CNTN5: variants seen among roughly 807,000 people sequenced by gnomAD.
The protein encoded by CNTN5 is contactin 5, also known as contactin-5.
Under a neutral mutation model 129.1 loss-of-function variants are expected in CNTN5, and 77 were observed. That is an observed-to-expected ratio of 0.60 (90% CI 0.50 to 0.72). The LOEUF is 0.72. CNTN5 is among the 30% of genes least tolerant of loss of function. The probability of loss-of-function intolerance (pLI) is 0.00; values close to 1 mark genes in which losing one functional copy is unlikely to be tolerated. For missense variants in CNTN5, 1,478 were observed against 1,328.8 expected (o/e 1.11, Z -1.75); for synonymous variants, 509 against 465.6 (o/e 1.09, Z -1.20).
chr11:99,190,380 A>G (rs1294507470), intron 1 of CNTN5, among the ~76,000 whole-genome samples: 1 of 151,544 alleles, frequency 6.6e-6, no homozygotes, highest in Non-Finnish European at 1.5e-5. Context: ...TTGTCTATTT[A>G]GGGTCTTTTG....
intron 3 of CNTN5, among the ~76,000 whole-genome samples, chr11:99,758,610 G>A (rs903182042): frequency 2.0e-5 from 3 of 151,978 alleles, no homozygotes; most frequent in African/African-American, 7.2e-5. Flanking sequence ...ATAATCTTAT[G>A]AGAGTGTTGT....
At chr11:99,539,899 T>G (rs1268392683) in intron 2 of CNTN5, among the ~76,000 whole-genome samples, 1 of 152,160 alleles carries the variant, frequency 6.6e-6, no homozygotes, top group Non-Finnish European at 1.5e-5. Flanking sequence ...ATTTAGTAAT[T>G]TGATCCAGTA....
chr11:100,303,023 C>G (rs1951263173), intron 20 of CNTN5, among the ~76,000 whole-genome samples: 1 of 151,546 alleles, frequency 6.6e-6, no homozygotes, highest in Non-Finnish European at 1.5e-5. Flanking sequence ...GGTTTTTCTG[C>G]TAACACCCGT....
chr11:99,646,549 G>A (rs931513140), intron 3 of CNTN5, among the ~76,000 whole-genome samples: 1 of 152,050 alleles, frequency 6.6e-6, no homozygotes, highest in Non-Finnish European at 1.5e-5. Context: ...ACTCACACAC[G>A]TTTGGCTGAC....
chr11:99,350,014 A>C (rs1034958734), intron 2 of CNTN5, among the ~76,000 whole-genome samples: 2 of 152,166 alleles, frequency 1.3e-5, no homozygotes, highest in African/African-American at 4.8e-5. Flanking sequence ...AAAAAAATAA[A>C]TGTGGAAGAA....
At chr11:99,784,662 A>G (rs1945446353) in intron 3 of CNTN5, among the ~76,000 whole-genome samples, 1 of 152,122 alleles carries the variant, frequency 6.6e-6, no homozygotes, top group South Asian at 2.1e-4. Context: ...GTCTTCCGCA[A>G]CGGTTGAACT....
At chr11:99,907,817 T>A (rs1949549745) in intron 6 of CNTN5, among the ~76,000 whole-genome samples, 1 of 152,020 alleles carries the variant, frequency 6.6e-6, no homozygotes, top group Non-Finnish European at 1.5e-5. Context: ...ATAAGTGGGA[T>A]GAATTTTTAT....
At chr11:100,263,357 T>C (rs765626379) in intron 17 of CNTN5, among the ~76,000 whole-genome samples, 8 of 152,164 alleles carry the variant, frequency 5.3e-5, no homozygotes, top group Admixed American at 1.3e-4. Context: ...GTTCATTTTA[T>C]TGTGTAGGTA....
At chr11:99,728,436 T>C (rs1780732443) in intron 3 of CNTN5, among the ~76,000 whole-genome samples, 1 of 152,144 alleles carries the variant, frequency 6.6e-6, no homozygotes, top group Admixed American at 6.6e-5. Context: ...AGTAGCTCTT[T>C]GTTGTTGTTG....
At chr11:99,080,212 A>G (rs1432050832) in intron 1 of CNTN5, among the ~76,000 whole-genome samples, 1 of 152,222 alleles carries the variant, frequency 6.6e-6, no homozygotes, top group East Asian at 1.9e-4. Flanking sequence ...AGTGGAGTTC[A>G]AGTTATTTAT....
At chr11:99,321,319 TTTATA>T (rs1401138577) in intron 1 of CNTN5, among the ~76,000 whole-genome samples, 1 of 150,066 alleles carries the variant, frequency 6.7e-6, no homozygotes, top group African/African-American at 2.4e-5. Flanking sequence ...GAAAGGAGAT[TTTATA>T]TTATATACAT....
chr11:99,824,607 T>A (rs1310482701), intron 4 of CNTN5, among the ~76,000 whole-genome samples: 1 of 151,936 alleles, frequency 6.6e-6, no homozygotes, highest in African/African-American at 2.4e-5. Flanking sequence ...TAATGAGATA[T>A]AGCAATATTT....
Position 99,893,070 on chromosome 11 carries a change from A to T in CNTN5, c.578-22984A>T, listed in dbSNP as rs189928156. Among the ~76,000 whole-genome samples, 1,272 of 152,262 alleles carry T rather than the reference A, an allele frequency of 8.4e-3. 14 individuals are homozygous for T. Among genetic ancestry groups the T allele is most frequent in the Non-Finnish European group, 0.012 (838 of 68,006 alleles). On this transcript the variant is annotated intron_variant, in intron 6 of 24. Coordinates refer to ENST00000524871, the MANE Select transcript of CNTN5 (RefSeq NM_014361.4). ...GGGAGTCTCAGCAAATGTTTCCAGG[A>T]AAGATTGAGGACTGAGATCAACACT... is the stretch of plus-strand genomic sequence containing the variant.
intron 9 of CNTN5, among the ~76,000 whole-genome samples, chr11:100,023,176 T>C (rs1430577889): frequency 6.6e-6 from 1 of 152,198 alleles, no homozygotes; most frequent in Non-Finnish European, 1.5e-5. Context: ...GCTGTGATCA[T>C]TTTTCATCGC....
At chr11:99,267,930 A>G (rs865805894) in intron 1 of CNTN5, among the ~76,000 whole-genome samples, 2,678 of 145,826 alleles carry the variant, frequency 0.018, 27 homozygotes, top group Non-Finnish European at 0.029. Flanking sequence ...GCACACACAC[A>G]CACACACACA....
chr11:100,182,177 C>G (rs1179287909), intron 13 of CNTN5, among the ~76,000 whole-genome samples: 1 of 152,016 alleles, frequency 6.6e-6, no homozygotes, highest in Admixed American at 6.6e-5. Context: ...TGATTTTTAA[C>G]AGTGATGTAA....
intron 3 of CNTN5, among the ~76,000 whole-genome samples, chr11:99,801,401 A>G (rs867802867): frequency 1.9e-4 from 29 of 152,140 alleles, no homozygotes; most frequent in African/African-American, 6.8e-4. Flanking sequence ...TGTGATTACT[A>G]TATAGCTTGG....
intron 15 of CNTN5, among the ~76,000 whole-genome samples, chr11:100,206,584 G>C (rs1169686453): frequency 6.6e-6 from 1 of 152,066 alleles, no homozygotes; most frequent in Non-Finnish European, 1.5e-5. Flanking sequence ...CTGTGGTATA[G>C]ATAAAATAGA....
At chr11:99,612,647 G>C (rs1950625679) in intron 3 of CNTN5, among the ~76,000 whole-genome samples, 1 of 152,164 alleles carries the variant, frequency 6.6e-6, no homozygotes, top group South Asian at 2.1e-4. Flanking sequence ...TTACAAAATT[G>C]AAAGGTTCTC....
Sources: gnomAD v4.1 joint callset for allele counts (sites outside exome capture counted in the v4.1 genomes callset) on GRCh38, gnomAD v4.1.1 for gene constraint, MANE v1.5 for transcripts, NCBI Gene and HGNC (gene_info 2026-07-23, HGNC 2026-07-21) for gene names.